Variants in WDR54 observed in about 807,000 individuals in gnomAD.
WDR54 encodes WD repeat-containing protein 54.
A neutral mutation model predicts 44.1 loss-of-function variants in WDR54; 44 were observed. The ratio of observed to expected loss-of-function variants is 1.00; its 90% CI spans 0.78 to 1.28. WDR54 has a LOEUF of 1.28. Among genes scored for constraint, WDR54 ranks in the 50% most tolerant of loss-of-function variants. WDR54 has a pLI of 0.00. For missense variants in WDR54, 409 were observed against 429.7 expected (o/e 0.95, Z 0.43); for synonymous variants, 169 against 169.8 (o/e 1.00, Z 0.04).
Position 74,425,716 on chromosome 2 carries a change from C to T in WDR54, c.*15C>T. The T allele has an allele frequency of 6.2e-7, 1 of 1,614,042 alleles. No homozygotes were observed. The highest frequency in any genetic ancestry group is 8.5e-7 in the Non-Finnish European group (1 of 1,180,002). On this transcript the variant is annotated 3_prime_UTR_variant, in exon 10 of 10. Transcript: ENST00000348227. ...GCAGTGTGTGAGAAGAGCAGCCTTCCTTTGTCCCTGTGGTATTCATAAAGT... is the reference window on the plus strand; with the variant it reads ...GCAGTGTGTGAGAAGAGCAGCCTTCTTTTGTCCCTGTGGTATTCATAAAGT...
Position 74,423,994 on chromosome 2 carries a change from TC to T in WDR54, c.534+16del. 1 of 1,613,772 alleles carries T rather than the reference TC, an allele frequency of 6.2e-7. No homozygotes were observed. The highest frequency in any genetic ancestry group is 1.1e-5 in the South Asian group (1 of 91,026). ...CTGCCCAGGGACAGGTGAGTGGACT[TC>T]CCCTACCCATCTGGGAGCCTTCCCC... On this transcript the variant is annotated intron_variant, in intron 6 of 9. Transcript: ENST00000348227.
Position 74,425,572 on chromosome 2 carries a change from G to A in WDR54, c.876G>A (p.Val292=). ...SRNPESGYIE[V]EHCHGECVAD... The stretch of plus-strand genomic sequence containing the variant: ...TGACGAGCCCTCTGCTCCCCCAGGT[G>A]GAACACTGTCATGGTGAGTGTGTCG... The change falls in exon 10 of 10, where the codon GTG becomes GTA. Residue 292 remains valine, a splice_region_variant and synonymous_variant. Transcript: ENST00000348227. The A allele has an allele frequency of 1.2e-6, 2 of 1,614,242 alleles. No individual in the cohort carries two copies. The highest frequency in any genetic ancestry group is 1.7e-6 in the Non-Finnish European group (2 of 1,180,046).
chr2:74,423,327 G>C lies in WDR54; in HGVS notation c.294G>C (p.Glu98Asp). 2 of 1,613,804 alleles carry C rather than the reference G, an allele frequency of 1.2e-6. No homozygotes were observed. Among genetic ancestry groups the C allele is most frequent in the South Asian group, 1.1e-5 (1 of 91,058 alleles). The change falls in exon 4 of 10, where the codon GAG becomes GAC. Residue 98 changes from glutamate to aspartate, a missense_variant. Glu to Asp is a conservative substitution (Grantham distance 45, BLOSUM62 2). Transcript: ENST00000348227. ...LTSHRGIQMY[E>D]SNGYTMVYWH... The stretch of plus-strand genomic sequence containing the variant: ...TTGCCCCGGTCTTCCAGATGTACGA[G>C]TCCAATGGCTACACCATGGTCTACT...
rs1670309816 is a variant in WDR54 at position 74,425,059 on chromosome 2, G to C, written c.636-16G>C. ...ATTTGATCTGGGCAAAACAAAGTTG[G>C]GTGTCACCCTTGCAGAGTTCCGTGC... On this transcript the variant is annotated splice_polypyrimidine_tract_variant and intron_variant, in intron 7 of 9. Transcript: ENST00000348227. 1 of 1,611,806 alleles carries C rather than the reference G, an allele frequency of 6.2e-7. No homozygotes were observed. Among genetic ancestry groups the C allele is most frequent in the Admixed American group, 1.7e-5 (1 of 59,970 alleles).
At chr2:74,422,063 C>T in intron 1 of WDR54, 90 bp from the exon 2 acceptor site, 2 of 1,381,158 alleles carry the variant, frequency 1.4e-6, no homozygotes, top group African/African-American at 1.4e-5. Context: ...TCTCAGGCAT[C>T]TTCCGAAATG....
chr2:74,425,286 T>A, intron 8 of WDR54, 49 bp downstream of exon 8: 1 of 1,539,208 alleles, frequency 6.5e-7, no homozygotes, highest in East Asian at 2.3e-5. Context: ...GGCAGTGGAA[T>A]GTTGAGAGAA....
chr2:74,422,574 G>T, intron 2 of WDR54, 199 bp downstream of exon 2: 1 of 673,390 alleles, frequency 1.5e-6, no homozygotes, highest in Non-Finnish European at 2.5e-6. Context: ...ACGGGCACTT[G>T]AGGCCAGGAG....
chr2:74,423,823 A>G, intron 5 of WDR54, 32 bp from the exon 6 acceptor site: 1 of 1,609,630 alleles, frequency 6.2e-7, no homozygotes, highest in African/African-American at 1.3e-5. Flanking sequence ...AGGGTCAGGA[A>G]GTCATCACTG....
chr2:74,422,199 G>T lies in WDR54; in HGVS notation c.46G>T (p.Ala16Ser). ...CATTCCCCTGCGAGGCTCGGCCGCC[G>T]CCCTGTGCAACAACCTCAGTGTGCT... ...RSIPLRGSAA[A>S]LCNNLSVLQL... The change falls in exon 2 of 10, where the codon GCC becomes TCC. Residue 16 changes from alanine to serine, a missense_variant. Ala to Ser is a moderately conservative substitution (Grantham distance 99). Transcript: ENST00000348227. 1.9e-6 allele frequency: 3 copies of T among 1,613,890 alleles called. No individual in the cohort carries two copies. Among genetic ancestry groups the T allele is most frequent in the African/African-American group, 1.3e-5 (1 of 75,070 alleles).
chr2:74,425,102 G>A lies in WDR54; in HGVS notation c.663G>A (p.Trp221Ter). 1 of 1,592,672 alleles carries A rather than the reference G, an allele frequency of 6.3e-7. No individual in the cohort carries two copies. Among genetic ancestry groups the A allele is most frequent in the Non-Finnish European group, 8.6e-7 (1 of 1,165,736 alleles). ...FGVPCPSVQL[W>*]QGIIAAGYGN... The stretch of plus-strand genomic sequence containing the variant: ...TTCCGTGCCCCTCTGTGCAGCTGTG[G>A]CAGGGGATCATAGCAGCAGGCTATG... The change falls in exon 8 of 10, where the codon TGG becomes TGA. Residue 221 changes from tryptophan (W) to a stop codon, truncating the protein, a stop_gained. Transcript: ENST00000348227. LOFTEE classifies it high-confidence loss of function.
At chr2:74,422,058 G>T in intron 1 of WDR54, 95 bp from the exon 2 acceptor site, 1 of 1,311,672 alleles carries the variant, frequency 7.6e-7, no homozygotes. Flanking sequence ...CCCAGTCTCA[G>T]GCATCTTCCG....
intron 2 of WDR54, 108 bp downstream of exon 2, chr2:74,422,483 C>T: frequency 2.3e-6 from 3 of 1,289,642 alleles, no homozygotes; most frequent in Non-Finnish European, 3.2e-6. Flanking sequence ...TCTCCCCAGG[C>T]ATGTCCTAAC....
Position 74,425,272 on chromosome 2 carries a change from T to A in WDR54, c.798+35T>A, listed in dbSNP as rs1284418223. On this transcript the variant is annotated intron_variant, in intron 8 of 9. Transcript: ENST00000348227. The stretch of plus-strand genomic sequence containing the variant: ...CTCCTCTGTACCTACATACCCTTTT[T>A]CCTGGCAGTGGAATGTTGAGAGAAC... 1.7e-5 allele frequency: 26 copies of A among 1,537,228 alleles called. No individual in the cohort carries two copies. The Admixed American group carries it at 5.2e-4, about 31-fold the overall frequency.
intron 6 of WDR54, 82 bp from the exon 7 acceptor site, chr2:74,424,793 A>G: frequency 6.4e-7 from 1 of 1,557,314 alleles, no homozygotes; most frequent in Non-Finnish European, 8.8e-7. Context: ...AGATGCACAC[A>G]CTGCCTCCCT....
chr2:74,422,209 A>G lies in WDR54; in HGVS notation c.56A>G (p.Asn19Ser). The G allele has an allele frequency of 1.2e-6, 2 of 1,614,118 alleles. No homozygotes were observed. The highest frequency in any genetic ancestry group is 1.1e-5 in the South Asian group (1 of 91,084). ...CGAGGCTCGGCCGCCGCCCTGTGCA[A>G]CAACCTCAGTGTGCTGCAGCTGCCG... ...PLRGSAAALC[N>S]NLSVLQLPAR... The change falls in exon 2 of 10, where the codon AAC (asparagine) becomes AGC (serine). Residue 19 changes from asparagine to serine, a missense_variant. Physicochemically the swap from Asn to Ser is conservative, Grantham distance 46. Coordinates refer to ENST00000348227, the MANE Select transcript of WDR54 (RefSeq NM_032118.4).
rs1670215924 is a variant in WDR54 at position 74,423,484 on chromosome 2, CTG to C, written c.363_364del (p.Phe122CysfsTer24). 6.8e-6 allele frequency: 11 copies of C among 1,613,964 alleles called. No individual in the cohort carries two copies. Among genetic ancestry groups the C allele is most frequent in the Non-Finnish European group, 9.3e-6 (11 of 1,179,898 alleles). On this transcript the variant is annotated frameshift_variant, in exon 5 of 10. Coordinates refer to ENST00000348227, the MANE Select transcript of WDR54 (RefSeq NM_032118.4). LOFTEE classifies it high-confidence loss of function. ...TCTCCCCTTTCATATTCAGTACAGG[CTG>C]TGTTTGCCCGGGGAATTGCTGCCAG...
Position 74,425,489 on chromosome 2 carries a change from G to A in WDR54, c.871G>A (p.Glu291Lys). Residue 291 changes from glutamate to lysine, a missense_variant and splice_region_variant, in exon 9 of 10, where the codon GAG becomes AAG. Glu to Lys is a moderately conservative substitution (Grantham distance 56). Coordinates refer to ENST00000348227, the MANE Select transcript of WDR54 (RefSeq NM_032118.4). ...CAGAAACCCAGAGAGTGGCTACATT[G>A]AGGTATGTGTCATGGGGTGGGTGGA... ...LSRNPESGYI[E>K]VEHCHGECVA... 2 of 1,614,200 alleles carry A rather than the reference G, an allele frequency of 1.2e-6. No individual in the cohort carries two copies. Among genetic ancestry groups the A allele is most frequent in the South Asian group, 2.2e-5 (2 of 91,084 alleles).
rs374059900 is a variant in WDR54, at chr2:74,423,409, G to A, written c.352+24G>A. The A allele has an allele frequency of 1.5e-5, 24 of 1,614,048 alleles. 1 individual carries two copies. In the Middle Eastern group the frequency reaches 4.9e-4, roughly 33 times the overall value. On this transcript the variant is annotated intron_variant, in intron 4 of 9. Coordinates refer to ENST00000348227, the MANE Select transcript of WDR54 (RefSeq NM_032118.4). ...AGGTACCTGCAGGACCAAGTGGGGTGGGGGCAGGGAGTGTTTGCTAGGGCT... is the reference window on the plus strand; with the variant it reads ...AGGTACCTGCAGGACCAAGTGGGGTAGGGGCAGGGAGTGTTTGCTAGGGCT...
chr2:74,422,944 A>ACT lies in WDR54; in HGVS notation c.285+16_285+17dup, dbSNP rs1212532979. 12 of 1,613,016 alleles carry ACT rather than the reference A, an allele frequency of 7.4e-6. No homozygotes were observed. Among genetic ancestry groups the ACT allele is most frequent in the Non-Finnish European group, 1.0e-5 (12 of 1,179,722 alleles). On this transcript the variant is annotated intron_variant, in intron 3 of 9. Transcript: ENST00000348227. ...ATCGAGGAATACAGGTAAGAAGAGG[A>ACT]CTCTCCTGCTTGCCCCACCAGAGCC...
Sources: gnomAD v4.1 joint callset for allele counts on GRCh38, gnomAD v4.1.1 for gene constraint, MANE v1.5 for transcripts, NCBI Gene and HGNC (gene_info 2026-07-23, HGNC 2026-07-21) for gene names.